Variants in RIMKLA observed in about 807,000 individuals in gnomAD.
RIMKLA encodes the protein N-acetylaspartylglutamate synthase A.
Under a neutral mutation model 32.7 loss-of-function variants are expected in RIMKLA, and 14 were observed. The ratio of observed to expected loss-of-function variants is 0.43; its 90% CI spans 0.28 to 0.67. RIMKLA has a LOEUF of 0.67. Ranked by LOEUF, RIMKLA falls within the 30% of genes least tolerant of loss-of-function variation. The probability of loss-of-function intolerance (pLI) is 0.18; values close to 1 mark genes in which losing one functional copy is unlikely to be tolerated. For missense variants in RIMKLA, 410 were observed against 519.0 expected, an observed-to-expected ratio of 0.79 and a Z score of 2.04; for synonymous variants, 176 against 204.1, an observed-to-expected ratio of 0.86 and a Z score of 1.18.
intron 1 of RIMKLA, among the ~76,000 whole-genome samples, chr1:42,381,909 C>T (rs1642892849): frequency 6.6e-6 from 1 of 152,210 alleles, no homozygotes. Flanking sequence ...GTTTGAGTGT[C>T]TCTGGGGCTC....
intron 2 of RIMKLA, among the ~76,000 whole-genome samples, chr1:42,401,803 G>A (rs1273737531): frequency 6.6e-6 from 1 of 152,174 alleles, no homozygotes; most frequent in Non-Finnish European, 1.5e-5. Context: ...AAAGAATAGG[G>A]ACTCTTATTT....
chr1:42,411,686 A>G (rs1182768187), intron 4 of RIMKLA, among the ~76,000 whole-genome samples: 1 of 126,052 alleles, frequency 7.9e-6, no homozygotes, highest in Non-Finnish European at 1.7e-5. Flanking sequence ...TTATTTATTT[A>G]TTTTTGAGAC....
chr1:42,411,922 G>A (rs910213496), intron 4 of RIMKLA, among the ~76,000 whole-genome samples: 24 of 151,894 alleles, frequency 1.6e-4, no homozygotes, highest in South Asian at 4.1e-4. Flanking sequence ...TGCCCGCCTC[G>A]GCCTCCCAAA....
chr1:42,409,219 A>G (rs1643176502), intron 3 of RIMKLA, among the ~76,000 whole-genome samples: 1 of 150,746 alleles, frequency 6.6e-6, no homozygotes. Flanking sequence ...AAAAAAAAAA[A>G]AAAAAAAAAA....
rs1364419018 is a variant in RIMKLA, at chr1:42,380,820, C to A, written c.-115C>A. On this transcript the variant is annotated 5_prime_UTR_variant, in exon 1 of 5. Transcript: ENST00000431473. ...GAGACGCCTGGCGCACCCGCGGGAG[C>A]GGAGCCGTGGCGCGCTCGCCCCGGA... 2 of 504,562 alleles carry A rather than the reference C, an allele frequency of 4.0e-6. No homozygotes were observed. The highest frequency in any genetic ancestry group is 1.1e-4 in the Admixed American group (2 of 17,622). The allele number at this position is 504,562 out of a possible 1,614,324, so 31.3% of individuals were successfully genotyped here. A position where few individuals can be genotyped will look rare whatever the true frequency, so the allele number is the denominator to read the frequency against.
chr1:42,386,200 G>A (rs373793314), intron 1 of RIMKLA, among the ~76,000 whole-genome samples: 1 of 151,844 alleles, frequency 6.6e-6, no homozygotes, highest in East Asian at 1.9e-4. Flanking sequence ...TGGTATTACG[G>A]GCGTGAGCCA....
chr1:42,400,144 A>G (rs1445416888), intron 2 of RIMKLA, among the ~76,000 whole-genome samples: 1 of 152,220 alleles, frequency 6.6e-6, no homozygotes, highest in Non-Finnish European at 1.5e-5. Context: ...AGAGCAGAAT[A>G]TAGAAAGACC....
rs562380158 is a variant in RIMKLA at position 42,403,306 on chromosome 1, T to C, written c.395-1205T>C. On this transcript the variant is annotated intron_variant, in intron 2 of 4. Transcript: ENST00000431473. The stretch of plus-strand genomic sequence containing the variant: ...CTATACTGACAGCAGTGAGAAATAT[T>C]AGTTGACATCTGACAGCAAGGAATG... 3.4e-4 allele frequency among the ~76,000 whole-genome samples: 52 copies of C among 152,218 alleles called. No individual in the cohort carries two copies. In the South Asian group the frequency reaches 0.01, roughly 30 times the overall value.
intron 4 of RIMKLA, among the ~76,000 whole-genome samples, chr1:42,413,887 G>C (rs1488139315): frequency 6.7e-6 from 1 of 148,902 alleles, no homozygotes; most frequent in Non-Finnish European, 1.5e-5. Flanking sequence ...TGGGGTGGGA[G>C]GAACCCTACA....
At chr1:42,410,920 C>T (rs1335891023) in intron 4 of RIMKLA, among the ~76,000 whole-genome samples, 2 of 152,156 alleles carry the variant, frequency 1.3e-5, no homozygotes, top group African/African-American at 4.8e-5. Flanking sequence ...TAGACACTGT[C>T]TGGCACTTCT....
rs994050954 is a variant in RIMKLA at position 42,422,900 on chromosome 1, A to C, written c.*7926A>C. 6.6e-6 allele frequency among the ~76,000 whole-genome samples: 1 copy of C among 152,168 alleles called. No homozygotes were observed. The highest frequency in any genetic ancestry group is 2.4e-5 in the African/African-American group (1 of 41,434). On this transcript the variant is annotated 3_prime_UTR_variant, in exon 5 of 5. Coordinates refer to ENST00000431473, the MANE Select transcript of RIMKLA (RefSeq NM_173642.4). ...CGTGCTCTCCCGGGCTGACATTCGA[A>C]TTAAGATTCAAATAGCAAGTGAGAG... is the stretch of plus-strand genomic sequence containing the variant.
chr1:42,384,581 ATG>A (rs1377687781), intron 1 of RIMKLA, among the ~76,000 whole-genome samples: 4 of 144,328 alleles, frequency 2.8e-5, no homozygotes, highest in African/African-American at 1.0e-4. Context: ...ATGTGTATAT[ATG>A]TGTGTATATA....
At chr1:42,388,708 G>A (rs1487495711) in intron 1 of RIMKLA, among the ~76,000 whole-genome samples, 1 of 151,674 alleles carries the variant, frequency 6.6e-6, no homozygotes, top group Non-Finnish European at 1.5e-5. Context: ...AGTAGAGATG[G>A]GGTTTCACCA....
In RIMKLA at chr1:42,399,629, C is replaced by A; in HGVS notation, c.389C>A (p.Ser130Tyr). The change falls in exon 2 of 5, where the codon TCC becomes TAC. Residue 130 changes from serine (S) to tyrosine (Y), a missense_variant. Coordinates refer to ENST00000431473, the MANE Select transcript of RIMKLA (RefSeq NM_173642.4). ...GGGGTCCCCATGCCAGACACCTTCT[C>A]CTATGGTGAGTCAGCTTGAAATAGC... is the stretch of plus-strand genomic sequence containing the variant. ...GHGVPMPDTF[S>Y]YGGHEDFSKM... is the part of the protein sequence containing the mutation. The A allele has an allele frequency of 6.3e-7, 1 of 1,594,504 alleles. No individual in the cohort carries two copies.
At position 42,380,834 on chromosome 1, in the gene RIMKLA, G is replaced by C. The variant is rs1642879530; in HGVS notation, c.-101G>C. On this transcript the variant is annotated 5_prime_UTR_variant, in exon 1 of 5. Coordinates refer to ENST00000431473, the MANE Select transcript of RIMKLA (RefSeq NM_173642.4). ...ACCCGCGGGAGCGGAGCCGTGGCGC[G>C]CTCGCCCCGGACGCCGGCCGCCCCT... 4 of 681,546 alleles carry C rather than the reference G, an allele frequency of 5.9e-6. No individual in the cohort carries two copies. The highest frequency in any genetic ancestry group is 1.9e-5 in the African/African-American group (1 of 51,560). 42.2% of individuals were successfully genotyped at this position (681,546 alleles called of 1,614,324 possible).
rs1420995349 is a variant in RIMKLA, at chr1:42,415,452, T to C, written c.*478T>C. 2 of 154,960 alleles carry C rather than the reference T, an allele frequency of 1.3e-5. No individual in the cohort carries two copies. Among genetic ancestry groups the C allele is most frequent in the Non-Finnish European group, 2.9e-5 (2 of 69,818 alleles). 9.6% of individuals were successfully genotyped at this position (154,960 alleles called of 1,614,324 possible). On this transcript the variant is annotated 3_prime_UTR_variant, in exon 5 of 5. Transcript: ENST00000431473. Reference sequence around the variant, plus strand: ...CAAACACTATTAGAGGATCGATCTCTGCTCCCCATCAATCACCATCTTGAC... The same window carrying C: ...CAAACACTATTAGAGGATCGATCTCCGCTCCCCATCAATCACCATCTTGAC...
rs1265001947 is a variant in RIMKLA, at chr1:42,423,087, C to A, written c.*8113C>A. Among the ~76,000 whole-genome samples, 2 of 152,058 alleles carry A rather than the reference C, an allele frequency of 1.3e-5. No individual in the cohort carries two copies. Among genetic ancestry groups the A allele is most frequent in the Non-Finnish European group, 2.9e-5 (2 of 68,030 alleles). On this transcript the variant is annotated 3_prime_UTR_variant, in exon 5 of 5. Coordinates refer to ENST00000431473, the MANE Select transcript of RIMKLA (RefSeq NM_173642.4). ...CTTCCTGGGAGAAGCGGTGATAAGA[C>A]CCTGGGGGACTAACAGTCAAAACAA...
chr1:42,387,069 A>G (rs1404693032), intron 1 of RIMKLA, among the ~76,000 whole-genome samples: 1 of 149,384 alleles, frequency 6.7e-6, no homozygotes, highest in African/African-American at 2.5e-5. Context: ...TCCATCTCAA[A>G]TAAATAAATA....
At chr1:42,390,070 G>A (rs1642987883) in intron 1 of RIMKLA, among the ~76,000 whole-genome samples, 1 of 124,330 alleles carries the variant, frequency 8.0e-6, no homozygotes, top group South Asian at 2.6e-4. Flanking sequence ...ACGGAGTATC[G>A]CCAGTCATCC....
Sources: allele counts gnomAD v4.1 joint callset (sites outside exome capture counted in the v4.1 genomes callset), GRCh38; gene constraint gnomAD v4.1.1; transcripts MANE v1.5; gene names NCBI Gene and HGNC (gene_info 2026-07-23, HGNC 2026-07-21).